Variants in AP3B1 observed in about 807,000 individuals in gnomAD.
The protein encoded by AP3B1 is AP-3 complex subunit beta-1.
A neutral mutation model predicts 132.5 loss-of-function variants in AP3B1; 61 were observed. That is an observed-to-expected ratio of 0.46 (90% CI 0.37 to 0.57). The LOEUF is 0.57. Ranked by LOEUF, AP3B1 falls within the 20% of genes least tolerant of loss-of-function variation. The pLI, the probability that AP3B1 is intolerant of heterozygous loss-of-function variation, is 0.00. For synonymous variants in AP3B1, 388 were observed against 438.3 expected, an observed-to-expected ratio of 0.89 and a Z score of 1.43; for missense variants, 1,120 against 1,289.4, an observed-to-expected ratio of 0.87 and a Z score of 2.01.
At chr5:78,238,351 T>C (rs1746971077) in intron 3 of AP3B1, among the ~76,000 whole-genome samples, 1 of 152,192 alleles carries the variant, frequency 6.6e-6, no homozygotes, top group Non-Finnish European at 1.5e-5. Flanking sequence ...TGGTGAGTTA[T>C]ATAATTATTT....
chr5:78,113,946 C>G (rs1336004020), intron 18 of AP3B1, 23 bp from the exon 19 acceptor site: 21 of 1,611,192 alleles, frequency 1.3e-5, no homozygotes, highest in Non-Finnish European at 1.7e-5. Flanking sequence ...ACCAGATGTT[C>G]TTAGATTTAT....
intron 7 of AP3B1, among the ~76,000 whole-genome samples, chr5:78,193,481 T>G (rs751418455): frequency 1.3e-5 from 2 of 151,738 alleles, no homozygotes; most frequent in Middle Eastern, 3.4e-3. Flanking sequence ...AAATCTACTT[T>G]ATAGTAAGTT....
chr5:78,133,765 C>T (rs181961187), intron 15 of AP3B1, among the ~76,000 whole-genome samples: 4 of 152,158 alleles, frequency 2.6e-5, no homozygotes, highest in East Asian at 3.9e-4. Context: ...ATCATATATA[C>T]AGCTATTTAT....
At position 78,175,634 on chromosome 5, in the gene AP3B1, T is replaced by C. The variant is rs762030946; in HGVS notation, c.1159A>G (p.Thr387Ala). ...VRSTDPTMIKTLKLEILTNLA... is the reference protein window; with the variant it reads ...VRSTDPTMIKALKLEILTNLA... ...AATGAAAGCATACATACCTTCAGTG[T>C]CTTGATCATAGTTGGATCAGTTGAC... The change falls in exon 11 of 27, where the codon ACA becomes GCA. Residue 387 changes from threonine to alanine, a missense_variant. By Grantham distance (58) the Thr-to-Ala change is moderately conservative (BLOSUM62 0). This residue lies in a region of AP3B1 where 906 missense variants were observed against 997.1 expected (regional missense o/e 0.91). Coordinates refer to ENST00000255194, the MANE Select transcript of AP3B1 (RefSeq NM_003664.5). 30 of 1,612,508 alleles carry C rather than the reference T, an allele frequency of 1.9e-5. No homozygotes were observed. The Admixed American group carries it at 4.7e-4, about 25-fold the overall frequency.
At chr5:78,274,680 A>AGGC (rs1308474658) in intron 1 of AP3B1, among the ~76,000 whole-genome samples, 2 of 152,180 alleles carry the variant, frequency 1.3e-5, no homozygotes, top group African/African-American at 2.4e-5. Flanking sequence ...GCACTTTGGG[A>AGGC]GGCCAATGCA....
At chr5:78,069,532 T>C (rs114358549) in intron 22 of AP3B1, among the ~76,000 whole-genome samples, 10,573 of 152,134 alleles carry the variant, frequency 0.069, 488 homozygotes, top group Middle Eastern at 0.19. Flanking sequence ...TACCTATGAA[T>C]ATAGCTAACA....
At chr5:78,106,396 T>C (rs1405528240) in intron 20 of AP3B1, among the ~76,000 whole-genome samples, 1 of 152,052 alleles carries the variant, frequency 6.6e-6, no homozygotes, top group Non-Finnish European at 1.5e-5. Context: ...AGGTCGAAGC[T>C]GCAGAGAGCT....
chr5:78,069,058 C>A (rs1749418986), intron 22 of AP3B1, among the ~76,000 whole-genome samples: 1 of 152,212 alleles, frequency 6.6e-6, no homozygotes, highest in Admixed American at 6.5e-5. Flanking sequence ...ATTCAATATT[C>A]CTTCCTGTTA....
intron 21 of AP3B1, among the ~76,000 whole-genome samples, chr5:78,098,177 A>G (rs1182392547): frequency 1.3e-5 from 2 of 151,796 alleles, no homozygotes; most frequent in Non-Finnish European, 2.9e-5. Flanking sequence ...TAGGAAAACC[A>G]GAGACCTTTG....
intron 2 of AP3B1, among the ~76,000 whole-genome samples, chr5:78,241,617 A>T (rs1747144894): frequency 6.6e-6 from 1 of 152,064 alleles, no homozygotes; most frequent in African/African-American, 2.4e-5. Context: ...TTCACTAAAC[A>T]TTCTTCCTCT....
chr5:78,097,339 G>T (rs1750890861), intron 21 of AP3B1, among the ~76,000 whole-genome samples: 1 of 133,404 alleles, frequency 7.5e-6, no homozygotes, highest in Non-Finnish European at 1.6e-5. Context: ...GAGGTGGGGG[G>T]GTCAGCCCCC....
At chr5:78,213,929 A>C (rs1006778747) in intron 7 of AP3B1, among the ~76,000 whole-genome samples, 11 of 152,232 alleles carry the variant, frequency 7.2e-5, no homozygotes, top group Non-Finnish European at 1.3e-4. Context: ...GCTGCATAAG[A>C]AAGGAAGGCA....
At chr5:78,211,396 T>C (rs1745730320) in intron 7 of AP3B1, among the ~76,000 whole-genome samples, 1 of 152,218 alleles carries the variant, frequency 6.6e-6, no homozygotes, top group Admixed American at 6.5e-5. Context: ...TACATTTACA[T>C]ATAAACAGCC....
chr5:78,162,929 T>C lies in AP3B1; in HGVS notation c.1253A>G (p.Lys418Arg). The change falls in exon 13 of 27, where the codon AAA (lysine) becomes AGA (arginine). Residue 418 changes from lysine to arginine, a missense_variant. Lys to Arg is a conservative substitution (Grantham distance 26). Around this residue, in one of 3 missense-constraint regions of AP3B1, gnomAD observed 906 missense variants for 997.1 expected, o/e 0.91. Transcript: ENST00000255194. ...EFQTYVKSQD[K>R]QFAAATIQTI... Reference sequence around the variant, plus strand: ...CTGAATAGTGGCTGCTGCAAATTGTTTATCCTGGCTTTTCACATAGGTCTA... The same window carrying C: ...CTGAATAGTGGCTGCTGCAAATTGTCTATCCTGGCTTTTCACATAGGTCTA... 1 of 1,613,922 alleles carries C rather than the reference T, an allele frequency of 6.2e-7. No individual in the cohort carries two copies. Among genetic ancestry groups the C allele is most frequent in the Non-Finnish European group, 8.5e-7 (1 of 1,179,814 alleles).
chr5:78,040,709 G>A (rs1748039946), intron 22 of AP3B1, among the ~76,000 whole-genome samples: 1 of 152,004 alleles, frequency 6.6e-6, no homozygotes, highest in Non-Finnish European at 1.5e-5. Context: ...AAACAGGCTT[G>A]ATTAAGATTT....
chr5:78,133,137 A>T (rs2112309298), intron 15 of AP3B1, among the ~76,000 whole-genome samples: 1 of 152,312 alleles, frequency 6.6e-6, no homozygotes, highest in East Asian at 1.9e-4. Flanking sequence ...AGGCCATGGC[A>T]ACACTTGCTG....
intron 15 of AP3B1, among the ~76,000 whole-genome samples, chr5:78,131,197 T>G (rs535756331): frequency 3.9e-5 from 6 of 152,144 alleles, no homozygotes; most frequent in African/African-American, 1.4e-4. Context: ...CTTCAGTGTA[T>G]GTATCTAGTA....
intron 24 of AP3B1, among the ~76,000 whole-genome samples, chr5:78,029,386 TAC>T (rs58115394): frequency 1.5e-4 from 23 of 150,884 alleles, no homozygotes; most frequent in Non-Finnish European, 2.1e-4. Context: ...GATAAATGCA[TAC>T]ACACACACAC....
intron 2 of AP3B1, among the ~76,000 whole-genome samples, chr5:78,241,714 G>A (rs1352418059): frequency 3.9e-5 from 6 of 152,046 alleles, no homozygotes; most frequent in Admixed American, 1.3e-4. Context: ...TCACCGTTAG[G>A]ACTAACTGTA....
Sources: gnomAD v4.1 joint callset for allele counts (sites outside exome capture counted in the v4.1 genomes callset) on GRCh38, gnomAD v4.1.1 for gene constraint, gnomAD v4.1.1 regional missense constraint, MANE v1.5 for transcripts, NCBI Gene and HGNC (gene_info 2026-07-23, HGNC 2026-07-21) for gene names.